Variants in ASB15 observed in about 807,000 individuals in gnomAD.
The protein encoded by ASB15 is ankyrin repeat and SOCS box containing 15, also known as ankyrin repeat and SOCS box protein 15.
Under a neutral mutation model 58.0 loss-of-function variants are expected in ASB15, and 54 were observed. The ratio of observed to expected loss-of-function variants is 0.93; its 90% CI spans 0.75 to 1.17. The LOEUF (loss-of-function observed/expected upper bound fraction) is 1.17, where lower values mean the gene tolerates loss of function less well. Among genes scored for constraint, ASB15 ranks in the 50% most tolerant of loss-of-function variants. ASB15 has a pLI of 0.00. For missense variants in ASB15, 680 were observed against 707.4 expected, an observed-to-expected ratio of 0.96 and a Z score of 0.44; for synonymous variants, 249 against 262.4, an observed-to-expected ratio of 0.95 and a Z score of 0.50.
intron 1 of ASB15, among the ~76,000 whole-genome samples, chr7:123,578,442 T>C (rs1031774385): frequency 6.6e-6 from 1 of 151,890 alleles, no homozygotes; most frequent in African/African-American, 2.4e-5. Context: ...ATACCCCTCT[T>C]TCCTCCTTCT....
chr7:123,596,140 A>G (rs957874292), intron 1 of ASB15, among the ~76,000 whole-genome samples: 2 of 151,372 alleles, frequency 1.3e-5, no homozygotes, highest in African/African-American at 4.9e-5. Flanking sequence ...TAGTTTCCCA[A>G]AGGAATTACT....
intron 9 of ASB15, among the ~76,000 whole-genome samples, chr7:123,627,690 C>A (rs1419083792): frequency 6.6e-6 from 1 of 152,068 alleles, no homozygotes; most frequent in Non-Finnish European, 1.5e-5. Flanking sequence ...CTAACATCTC[C>A]AGGATATTAT....
At chr7:123,602,437 A>G (rs1799927398) in intron 1 of ASB15, among the ~76,000 whole-genome samples, 1 of 152,084 alleles carries the variant, frequency 6.6e-6, no homozygotes, top group Non-Finnish European at 1.5e-5. Flanking sequence ...CACAAAATCT[A>G]AAGGTTGGAA....
In ASB15 at chr7:123,627,102, A is replaced by T; in HGVS notation, c.698-8A>T. ...CAGTTATCATTATGCCACGTTTTAT[A>T]CTGCCAGGTGGTGATGTGCTTGCTT... On this transcript the variant is annotated splice_region_variant and splice_polypyrimidine_tract_variant and intron_variant, in intron 8 of 11. Coordinates refer to ENST00000451215, the MANE Select transcript of ASB15 (RefSeq NM_001290258.2). The T allele has an allele frequency of 3.1e-6, 5 of 1,609,840 alleles. No homozygotes were observed. Among genetic ancestry groups the T allele is most frequent in the Non-Finnish European group, 4.2e-6 (5 of 1,177,248 alleles).
chr7:123,574,317 A>AG (rs1411141725), intron 1 of ASB15, among the ~76,000 whole-genome samples: 24 of 152,090 alleles, frequency 1.6e-4, no homozygotes, highest in Admixed American at 1.6e-3. Flanking sequence ...AGCCCAGGAC[A>AG]ATCTTTTAAG....
At chr7:123,581,915 A>C (rs940208681) in intron 1 of ASB15, among the ~76,000 whole-genome samples, 1 of 152,030 alleles carries the variant, frequency 6.6e-6, no homozygotes, top group Non-Finnish European at 1.5e-5. Context: ...TGAACTTTTT[A>C]GGTAAAGCAA....
At chr7:123,589,840 T>TG (rs369370446) in intron 1 of ASB15, among the ~76,000 whole-genome samples, 2 of 152,348 alleles carry the variant, frequency 1.3e-5, no homozygotes, top group African/African-American at 4.8e-5. Context: ...TACCCAGTAA[T>TG]GGGATCGCTA....
At chr7:123,603,248 G>A (rs1044966890) in intron 1 of ASB15, among the ~76,000 whole-genome samples, 9 of 152,122 alleles carry the variant, frequency 5.9e-5, no homozygotes, top group African/African-American at 2.2e-4. Flanking sequence ...CTAGCCCTGT[G>A]CCTGGAACAC....
In ASB15 at chr7:123,624,743, T is replaced by C. The variant is rs1562936908; in HGVS notation, c.626T>C (p.Phe209Ser). ...HGGNVHLRDG[F>S]GVTPLGVAAE... ...GGCAATGTCCACCTGAGAGATGGAT[T>C]TGGAGTCACACCACTAGGCGTCGCT... The change falls in exon 8 of 12, where the codon TTT (phenylalanine) becomes TCT (serine). Residue 209 changes from phenylalanine (F) to serine (S), a missense_variant. Phe to Ser is a radical substitution (Grantham distance 155, BLOSUM62 -2). Coordinates refer to ENST00000451215, the MANE Select transcript of ASB15 (RefSeq NM_001290258.2). 1.9e-6 allele frequency: 3 copies of C among 1,614,116 alleles called. No homozygotes were observed. Among genetic ancestry groups the C allele is most frequent in the Admixed American group, 1.7e-5 (1 of 60,030 alleles).
chr7:123,567,048 A>C (rs1426365512), exon 1 of ASB15: 2 of 152,186 alleles, frequency 1.3e-5, no homozygotes. Flanking sequence ...ATATTTGCTA[A>C]AGACACCAAA....
At chr7:123,633,216 G>A (rs939375242) in intron 11 of ASB15, among the ~76,000 whole-genome samples, 3 of 152,118 alleles carry the variant, frequency 2.0e-5, no homozygotes, top group East Asian at 1.9e-4. Context: ...AGTTAAAAGG[G>A]AGAAGATGCA....
intron 10 of ASB15, 136 bp downstream of exon 10, chr7:123,629,570 C>T: frequency 1.3e-6 from 1 of 746,866 alleles, no homozygotes; most frequent in Non-Finnish European, 2.1e-6. Flanking sequence ...TTTTTGTATG[C>T]AATGATACAG....
At position 123,619,142 on chromosome 7, in the gene ASB15, T is replaced by C. The variant is rs1023878651; in HGVS notation, c.451+1405T>C. Among the ~76,000 whole-genome samples, 5 of 134,994 alleles carry C rather than the reference T, an allele frequency of 3.7e-5. 1 individual carries two copies. The highest frequency in any genetic ancestry group is 9.7e-3 in the Middle Eastern group (2 of 206). The allele number at this position is 134,994 out of a possible 152,430, so 88.6% of individuals were successfully genotyped here. A position where few individuals can be genotyped will look rare whatever the true frequency, so the allele number is the denominator to read the frequency against. Reference sequence around the variant, plus strand: ...TTTCAGTGAGCCGAGATCGCACCACTGTACTCCAGCCTGGACGACAGAGAG... The same window carrying C: ...TTTCAGTGAGCCGAGATCGCACCACCGTACTCCAGCCTGGACGACAGAGAG... On this transcript the variant is annotated intron_variant, in intron 7 of 11. Transcript: ENST00000451215.
At chr7:123,585,912 T>C (rs1165822169) in intron 1 of ASB15, among the ~76,000 whole-genome samples, 1 of 151,820 alleles carries the variant, frequency 6.6e-6, no homozygotes, top group Non-Finnish European at 1.5e-5. Flanking sequence ...CAGAATTTCT[T>C]TTTTCTTAAG....
chr7:123,609,977 A>G (rs570249951), intron 3 of ASB15, among the ~76,000 whole-genome samples: 6 of 152,312 alleles, frequency 3.9e-5, no homozygotes, highest in African/African-American at 1.4e-4. Context: ...TCCAAGGCAA[A>G]AAGTACAGAA....
rs1210089044 is a variant in ASB15, at chr7:123,638,419, T to C, written c.*1438T>C. Reference sequence around the variant, plus strand: ...AGGTGTCATACACTAATAGGTTTTATTGTGTTTATTTTTCAAAAAGAGTCA... The same window carrying C: ...AGGTGTCATACACTAATAGGTTTTACTGTGTTTATTTTTCAAAAAGAGTCA... On this transcript the variant is annotated 3_prime_UTR_variant, in exon 12 of 12. Transcript: ENST00000451215. 6.6e-6 allele frequency: 1 copy of C among 152,324 alleles called. No individual in the cohort carries two copies. The highest frequency in any genetic ancestry group is 1.9e-4 in the East Asian group (1 of 5,184). The allele number at this position is 152,324 out of a possible 1,614,324, so 9.4% of individuals were successfully genotyped here.
At chr7:123,630,234 T>C (rs1802051015) in intron 11 of ASB15, 115 bp downstream of exon 11, 1 of 747,414 alleles carries the variant, frequency 1.3e-6, no homozygotes, top group Non-Finnish European at 2.0e-6. Flanking sequence ...TCCAGAATTA[T>C]CTGGGTTTTA....
intron 1 of ASB15, among the ~76,000 whole-genome samples, chr7:123,583,075 T>C (rs1403201180): frequency 6.6e-6 from 1 of 151,940 alleles, no homozygotes; most frequent in Non-Finnish European, 1.5e-5. Context: ...TTATAGACTG[T>C]TCAGATGAGA....
intron 11 of ASB15, among the ~76,000 whole-genome samples, chr7:123,632,827 A>G (rs1427940365): frequency 6.6e-6 from 1 of 152,216 alleles, no homozygotes; most frequent in Non-Finnish European, 1.5e-5. Context: ...ATTTGAAACT[A>G]TAATATATAA....
Sources: gnomAD v4.1 joint callset for allele counts (sites outside exome capture counted in the v4.1 genomes callset) on GRCh38, gnomAD v4.1.1 for gene constraint, MANE v1.5 for transcripts, NCBI Gene and HGNC (gene_info 2026-07-23, HGNC 2026-07-21) for gene names.